Variants in AHCYL2 observed in about 807,000 individuals in gnomAD.
AHCYL2 encodes the protein adenosylhomocysteinase like 2.
Under a neutral mutation model 81.4 loss-of-function variants are expected in AHCYL2, and 28 were observed. That is an observed-to-expected ratio of 0.34 (90% CI 0.25 to 0.47). The LOEUF is 0.47. AHCYL2 is among the 20% of genes least tolerant of loss of function. The pLI is 1.00. For missense variants in AHCYL2, 551 were observed against 785.1 expected, an observed-to-expected ratio of 0.70 and a Z score of 3.56; for synonymous variants, 272 against 290.2, an observed-to-expected ratio of 0.94 and a Z score of 0.64.
chr7:129,358,253 G>C (rs1341012456), intron 1 of AHCYL2, among the ~76,000 whole-genome samples: 1 of 151,858 alleles, frequency 6.6e-6, no homozygotes, highest in Non-Finnish European at 1.5e-5. Context: ...TTAGCCGGGC[G>C]TGGTGGCGGG....
chr7:129,297,997 C>T (rs1797112812), intron 1 of AHCYL2, among the ~76,000 whole-genome samples: 2 of 152,152 alleles, frequency 1.3e-5, no homozygotes, highest in Admixed American at 6.6e-5. Flanking sequence ...CCCCTGCATT[C>T]CAGCTTGGGT....
chr7:129,229,897 G>A (rs546302505), intron 1 of AHCYL2, among the ~76,000 whole-genome samples: 1 of 152,078 alleles, frequency 6.6e-6, no homozygotes, highest in Non-Finnish European at 1.5e-5. Flanking sequence ...AATAAATTTG[G>A]AGTACCTGAG....
chr7:129,340,110 GGC>G (rs1339349026), intron 1 of AHCYL2, among the ~76,000 whole-genome samples: 2 of 147,226 alleles, frequency 1.4e-5, no homozygotes, highest in South Asian at 2.2e-4. Flanking sequence ...TTTTAGTAGA[GGC>G]AGGGTTTCAC....
intron 1 of AHCYL2, among the ~76,000 whole-genome samples, chr7:129,258,880 C>T (rs1019133939): frequency 3.3e-5 from 5 of 152,142 alleles, no homozygotes; most frequent in Admixed American, 3.3e-4. Context: ...AATGAGCCTT[C>T]TTGGGCAGGA....
chr7:129,287,159 G>A (rs1229091805), intron 1 of AHCYL2, among the ~76,000 whole-genome samples: 1 of 152,106 alleles, frequency 6.6e-6, no homozygotes, highest in Non-Finnish European at 1.5e-5. Context: ...CACACATCTT[G>A]TATCCTCTGG....
At chr7:129,403,901 G>GAGGTATGAGTTAA in intron 7 of AHCYL2, among the ~76,000 whole-genome samples, 1 of 141,346 alleles carries the variant, frequency 7.1e-6, no homozygotes. Context: ...ATTGGAGCCT[G>GAGGTATGAGTTAA]CTATGAGGTA....
chr7:129,256,550 C>CACT (rs1554470552), intron 1 of AHCYL2, among the ~76,000 whole-genome samples: 2 of 19,282 alleles, frequency 1.0e-4, no homozygotes, highest in African/African-American at 3.6e-4. Context: ...CCACCCCCCA[C>CACT]CCCCCCCCCG....
At chr7:129,360,408 G>A (rs924437997) in intron 1 of AHCYL2, among the ~76,000 whole-genome samples, 4 of 152,194 alleles carry the variant, frequency 2.6e-5, no homozygotes, top group African/African-American at 7.2e-5. Flanking sequence ...GAGCCACCAC[G>A]CCCGGCCACT....
intron 1 of AHCYL2, among the ~76,000 whole-genome samples, chr7:129,332,913 C>T (rs1370293708): frequency 6.6e-6 from 1 of 152,108 alleles, no homozygotes; most frequent in Non-Finnish European, 1.5e-5. Context: ...TCCTGATTCT[C>T]ACTCTGTTTA....
chr7:129,271,375 AAAAAG>A (rs1399229608), intron 1 of AHCYL2, among the ~76,000 whole-genome samples: 3 of 151,928 alleles, frequency 2.0e-5, no homozygotes, highest in East Asian at 1.9e-4. Context: ...AAAAAAAAAA[AAAAAG>A]AGTTTTAAAA....
intron 1 of AHCYL2, among the ~76,000 whole-genome samples, chr7:129,324,217 C>T (rs1798140250): frequency 6.6e-6 from 1 of 151,936 alleles, no homozygotes; most frequent in Non-Finnish European, 1.5e-5. Flanking sequence ...CATAGTATAT[C>T]TTTTTCCATT....
intron 1 of AHCYL2, among the ~76,000 whole-genome samples, chr7:129,317,513 C>G (rs1237756281): frequency 1.3e-5 from 2 of 152,124 alleles, no homozygotes; most frequent in Non-Finnish European, 2.9e-5. Flanking sequence ...TCTTGCAGAC[C>G]ACAGCATAGT....
chr7:129,341,261 T>C (rs534885024), intron 1 of AHCYL2, among the ~76,000 whole-genome samples: 1 of 152,254 alleles, frequency 6.6e-6, no homozygotes, highest in East Asian at 1.9e-4. Flanking sequence ...CTTCTAGGGG[T>C]AGCAAGTGTG....
At chr7:129,369,050 A>G (rs184495742) in intron 1 of AHCYL2, among the ~76,000 whole-genome samples, 60 of 152,018 alleles carry the variant, frequency 3.9e-4, no homozygotes, top group African/African-American at 1.4e-3. Flanking sequence ...CCCCCCAGCT[A>G]TCCTTTATAT....
chr7:129,395,594 G>A (rs1225312800), intron 4 of AHCYL2, among the ~76,000 whole-genome samples: 1 of 152,192 alleles, frequency 6.6e-6, no homozygotes, highest in African/African-American at 2.4e-5. Flanking sequence ...CCTTCCTCCA[G>A]ACACAGTGGA....
In AHCYL2 at chr7:129,406,517, G is replaced by T. The variant is rs146516380; in HGVS notation, c.1295+51G>T. On this transcript the variant is annotated intron_variant, in intron 10 of 16. Transcript: ENST00000325006. This position sits in a 1 kb window ranked among gnomAD's most constrained non-coding sequence, Gnocchi z 4.3. Reference sequence around the variant, plus strand: ...TTGCAATCTCGGAGCTGTCTCCAAAGAATGGCCTGGTTGATGCCACACTTT... The same window carrying T: ...TTGCAATCTCGGAGCTGTCTCCAAATAATGGCCTGGTTGATGCCACACTTT... The T allele has an allele frequency of 1.9e-3, 2,988 of 1,558,128 alleles. 6 individuals are homozygous for T. The highest frequency in any genetic ancestry group is 2.4e-3 in the Non-Finnish European group (2,664 of 1,129,260).
chr7:129,413,834 G>A (rs1257686595), intron 12 of AHCYL2, 146 bp downstream of exon 12: 1 of 646,482 alleles, frequency 1.5e-6, no homozygotes, highest in Non-Finnish European at 2.7e-6. Context: ...TAGCCCTATA[G>A]CCTGTGTTTT....
intron 3 of AHCYL2, 49 bp from the exon 4 acceptor site, chr7:129,389,585 C>A (rs779785208): frequency 1.4e-4 from 207 of 1,437,224 alleles, no homozygotes; most frequent in Non-Finnish European, 2.0e-4. Flanking sequence ...GTTCTTTTAT[C>A]TCTTATTCCT....
intron 1 of AHCYL2, among the ~76,000 whole-genome samples, chr7:129,265,897 G>A (rs1340424289): frequency 6.6e-6 from 1 of 152,192 alleles, no homozygotes; most frequent in Admixed American, 6.5e-5. Context: ...GATGAGAGAA[G>A]TGGCCAGATT....
Sources: allele counts gnomAD v4.1 joint callset (sites outside exome capture counted in the v4.1 genomes callset), GRCh38; gene constraint gnomAD v4.1.1; non-coding constraint Gnocchi (gnomAD v3.1); transcripts MANE v1.5; gene names NCBI Gene and HGNC (gene_info 2026-07-23, HGNC 2026-07-21).